SLC17A4: variants seen among roughly 807,000 people sequenced by gnomAD.
The protein encoded by SLC17A4 is solute carrier family 17 member 4.
A neutral mutation model predicts 52.5 loss-of-function variants in SLC17A4; 33 were observed. The ratio of observed to expected loss-of-function variants is 0.63; its 90% CI spans 0.48 to 0.84. The LOEUF is 0.84. Among genes scored for constraint, SLC17A4 ranks in the 40% least tolerant of loss-of-function variants. SLC17A4 has a pLI of 0.00. For synonymous variants in SLC17A4, 225 were observed against 216.2 expected, an observed-to-expected ratio of 1.04 and a Z score of -0.36; for missense variants, 585 against 597.1, an observed-to-expected ratio of 0.98 and a Z score of 0.21.
chr6:25,769,998 TCAAG>T, intron 3 of SLC17A4, 65 bp from the exon 4 acceptor site: 1 of 1,443,458 alleles, frequency 6.9e-7, no homozygotes, highest in African/African-American at 1.4e-5. Flanking sequence ...TTTTTGCCTC[TCAAG>T]TCCTCACAAT....
chr6:25,762,121 T>C, intron 2 of SLC17A4, 68 bp downstream of exon 2: 2 of 1,356,614 alleles, frequency 1.5e-6, no homozygotes, highest in Non-Finnish European at 2.1e-6. Context: ...CTTGTGGTAC[T>C]AAATAAAACT....
rs1762430707 is a variant in SLC17A4, at chr6:25,770,942, C to T, written c.636C>T (p.Ser212=). Residue 212 remains serine (S), a synonymous_variant, in exon 6 of 12, where the codon TCC becomes TCT. Coordinates refer to ENST00000377905, the MANE Select transcript of SLC17A4 (RefSeq NM_005495.3). The part of the protein sequence containing the change: ...TIAGSGSMLG[S]FIVLLAGGLL... ...TCTGTTCAGGGTCAATGCTGGGGTC[C>T]TTCATTGTTCTACTTGCTGGTGGTC... The T allele has an allele frequency of 6.2e-7, 1 of 1,613,862 alleles. No individual in the cohort carries two copies. The highest frequency in any genetic ancestry group is 1.3e-5 in the African/African-American group (1 of 75,010).
intron 11 of SLC17A4, 77 bp from the exon 12 acceptor site, chr6:25,778,977 A>C: frequency 6.3e-7 from 1 of 1,576,904 alleles, no homozygotes; most frequent in Non-Finnish European, 8.6e-7. Context: ...GCAGGAGGAC[A>C]CAGAGCCAAA....
At chr6:25,771,121 T>C in intron 6 of SLC17A4, 109 bp downstream of exon 6, 2 of 925,844 alleles carry the variant, frequency 2.2e-6, no homozygotes. Context: ...TAGCTAAAGC[T>C]GGTAGTGTTC....
rs1384838545 is a variant in SLC17A4, at chr6:25,780,600, G to A, written c.*1412G>A. 1.3e-5 allele frequency: 2 copies of A among 152,232 alleles called. No individual in the cohort carries two copies. Among genetic ancestry groups the A allele is most frequent in the Non-Finnish European group, 2.9e-5 (2 of 68,056 alleles). The allele number at this position is 152,232 out of a possible 1,614,324, so 9.4% of individuals were successfully genotyped here. A position where few individuals can be genotyped will look rare whatever the true frequency, so the allele number is the denominator to read the frequency against. ...GTGAGGAGACTGTAGAAGAATTAAG[G>A]TCAGGAGCACACAGGATGATGTAGG... On this transcript the variant is annotated 3_prime_UTR_variant, in exon 12 of 12. Coordinates refer to ENST00000377905, the MANE Select transcript of SLC17A4 (RefSeq NM_005495.3).
chr6:25,768,316 C>T, intron 2 of SLC17A4: 1 of 948,114 alleles, frequency 1.1e-6, no homozygotes, highest in Non-Finnish European at 1.3e-6. Context: ...TCATACATTA[C>T]CTCTGGGATT....
chr6:25,762,633 G>GTTGTTT, intron 2 of SLC17A4, among the ~76,000 whole-genome samples: 1 of 152,004 alleles, frequency 6.6e-6, no homozygotes, highest in African/African-American at 2.4e-5. Context: ...ACTTCAAAAG[G>GTTGTTT]CAAAACCCTA....
At chr6:25,766,310 A>C (rs1453313198) in intron 2 of SLC17A4, among the ~76,000 whole-genome samples, 1 of 152,100 alleles carries the variant, frequency 6.6e-6, no homozygotes, top group East Asian at 1.9e-4. Context: ...AATATATTCT[A>C]GTAGTTTCAC....
In SLC17A4 at chr6:25,776,606, G is replaced by C; in HGVS notation, c.999G>C (p.Leu333=). The change falls in exon 9 of 12, where the codon CTG becomes CTC. Residue 333 remains leucine, a synonymous_variant. Coordinates refer to ENST00000377905, the MANE Select transcript of SLC17A4 (RefSeq NM_005495.3). ...TCTCTGGTCCTCAGAGTGGGATCCT[G>C]TCTGCCTTGCCGTTTGTTGTTGGAT... The part of the protein sequence containing the change: ...LQANLRDSGI[L]SALPFVVGCI... 1 of 1,606,546 alleles carries C rather than the reference G, an allele frequency of 6.2e-7. No individual in the cohort carries two copies. The highest frequency in any genetic ancestry group is 8.5e-7 in the Non-Finnish European group (1 of 1,175,956).
At chr6:25,772,743 T>C (rs1762585115) in intron 6 of SLC17A4, among the ~76,000 whole-genome samples, 4 of 152,200 alleles carry the variant, frequency 2.6e-5, no homozygotes. Context: ...CTGCAAAGCA[T>C]GACTAGCAGG....
At chr6:25,763,200 C>T (rs1265109441) in intron 2 of SLC17A4, among the ~76,000 whole-genome samples, 1 of 152,194 alleles carries the variant, frequency 6.6e-6, no homozygotes, top group African/African-American at 2.4e-5. Flanking sequence ...TACCATGCCA[C>T]CCAGTCCTCT....
rs969788749 is a variant in SLC17A4, at chr6:25,777,695, G to A, written c.1269-231G>A. On this transcript the variant is annotated intron_variant, in intron 10 of 11. Coordinates refer to ENST00000377905, the MANE Select transcript of SLC17A4 (RefSeq NM_005495.3). The stretch of plus-strand genomic sequence containing the variant: ...GTTAATAGAGGTTACCCCCTTGGGA[G>A]TACCAGTCCCTAGCACAGGATTATA... 3.6e-5 allele frequency: 15 copies of A among 422,468 alleles called. 1 individual carries two copies. The South Asian group carries it at 8.4e-4, about 24-fold the overall frequency. 26.2% of individuals were successfully genotyped at this position (422,468 alleles called of 1,614,324 possible).
intron 11 of SLC17A4, 105 bp from the exon 12 acceptor site, chr6:25,778,949 G>C: frequency 6.9e-7 from 1 of 1,452,244 alleles, no homozygotes; most frequent in South Asian, 1.3e-5. Context: ...GGAAGCCAGA[G>C]TGGAGGTCGG....
At chr6:25,777,780 T>A in intron 10 of SLC17A4, 146 bp from the exon 11 acceptor site, 1 of 628,790 alleles carries the variant, frequency 1.6e-6, no homozygotes, top group Non-Finnish European at 2.8e-6. Context: ...ATTCCAGTCA[T>A]CTCCAGAGGT....
In SLC17A4 at chr6:25,770,933, G is replaced by T. The variant is rs1330059295; in HGVS notation, c.627G>T (p.Met209Ile). Residue 209 changes from methionine to isoleucine, a missense_variant, in exon 6 of 12, where the codon ATG becomes ATT. Physicochemically the swap from Met to Ile is conservative, Grantham distance 10. Transcript: ENST00000377905. ...CTCGCCTCTTCTGTTCAGGGTCAAT[G>T]CTGGGGTCCTTCATTGTTCTACTTG... ...QLTTIAGSGS[M>I]LGSFIVLLAG... The T allele has an allele frequency of 6.2e-7, 1 of 1,613,774 alleles. No homozygotes were observed.
At chr6:25,768,918 T>C in intron 2 of SLC17A4, 67 bp from the exon 3 acceptor site, 2 of 1,419,062 alleles carry the variant, frequency 1.4e-6, no homozygotes, top group Non-Finnish European at 2.0e-6. Context: ...CTTCTCCTTC[T>C]TCCAGACTTA....
At chr6:25,769,978 T>G (rs1014434401) in intron 3 of SLC17A4, 89 bp from the exon 4 acceptor site, 2 of 1,088,622 alleles carry the variant, frequency 1.8e-6, no homozygotes, top group African/African-American at 3.1e-5. Context: ...GAAAGATAAC[T>G]GCCAATTAAT....
rs1250103197 is a variant in SLC17A4, at chr6:25,779,267, C to A, written c.*79C>A. 6.4e-7 allele frequency: 1 copy of A among 1,570,890 alleles called. No homozygotes were observed. Among genetic ancestry groups the A allele is most frequent in the Non-Finnish European group, 8.7e-7 (1 of 1,152,618 alleles). On this transcript the variant is annotated 3_prime_UTR_variant, in exon 12 of 12. Transcript: ENST00000377905. ...CACAGACATTTCTCTTTCATGCCTG[C>A]TTGACTGATAAGCCATTAGCTAGAC...
At chr6:25,778,991 T>C in intron 11 of SLC17A4, 63 bp from the exon 12 acceptor site, 1 of 1,594,448 alleles carries the variant, frequency 6.3e-7, no homozygotes, top group Non-Finnish European at 8.5e-7. Flanking sequence ...AGCCAAAGCC[T>C]TTCTGAACCA....
Sources: gnomAD v4.1 joint callset for allele counts (sites outside exome capture counted in the v4.1 genomes callset) on GRCh38, gnomAD v4.1.1 for gene constraint, MANE v1.5 for transcripts, NCBI Gene and HGNC (gene_info 2026-07-23, HGNC 2026-07-21) for gene names.